Variants in MCPH1 observed in about 807,000 individuals in gnomAD.
MCPH1 encodes microcephalin 1.
Under a neutral mutation model 84.5 loss-of-function variants are expected in MCPH1, and 104 were observed. That is an observed-to-expected ratio of 1.23 (90% confidence interval 1.05 to 1.45). The LOEUF is 1.45. Ranked by LOEUF, MCPH1 falls within the 40% of genes most tolerant of loss-of-function variation. The pLI is 0.00. For synonymous variants in MCPH1, 514 were observed against 366.8 expected (o/e 1.40, Z -4.58); for missense variants, 1,498 against 1,005.7 (o/e 1.49, Z -6.62).
intron 5 of MCPH1, among the ~76,000 whole-genome samples, 185 bp downstream of exon 5, chr8:6,436,347 C>G (rs907180031): frequency 2.6e-5 from 4 of 152,212 alleles, no homozygotes; most frequent in Admixed American, 2.6e-4. Context: ...AATAGAGCCA[C>G]GCAGCTTGAG....
chr8:6,430,386 G>A (rs1801663935), intron 3 of MCPH1, among the ~76,000 whole-genome samples: 1 of 152,160 alleles, frequency 6.6e-6, no homozygotes, highest in Non-Finnish European at 1.5e-5. Context: ...GATAATGCGA[G>A]ATGAGAAAGG....
intron 3 of MCPH1, among the ~76,000 whole-genome samples, chr8:6,419,057 T>C (rs1799743776): frequency 6.6e-6 from 1 of 152,118 alleles, no homozygotes; most frequent in African/African-American, 2.4e-5. Context: ...CAATTATGTT[T>C]ACGTTGGGCC....
intron 12 of MCPH1, among the ~76,000 whole-genome samples, chr8:6,596,361 C>A (rs149258304): frequency 6.6e-6 from 1 of 152,152 alleles, no homozygotes; most frequent in African/African-American, 2.4e-5. Context: ...GGCACAGCCC[C>A]CTGCCTGCAT....
At chr8:6,582,019 G>C (rs1359835122) in intron 12 of MCPH1, among the ~76,000 whole-genome samples, 1 of 152,156 alleles carries the variant, frequency 6.6e-6, no homozygotes, top group Non-Finnish European at 1.5e-5. Flanking sequence ...TGGGGATTAG[G>C]CTTCAACATG....
At chr8:6,560,990 C>G (rs141092652) in intron 12 of MCPH1, among the ~76,000 whole-genome samples, 1 of 152,174 alleles carries the variant, frequency 6.6e-6, no homozygotes, top group Non-Finnish European at 1.5e-5. Context: ...TTTCATGCCT[C>G]GCTGTGACTC....
At chr8:6,416,246 ACTT>A (rs1799274367) in intron 3 of MCPH1, among the ~76,000 whole-genome samples, 1 of 152,120 alleles carries the variant, frequency 6.6e-6, no homozygotes, top group African/African-American at 2.4e-5. Flanking sequence ...AGATAGATTT[ACTT>A]CTTCATTTCT....
chr8:6,627,233 T>C, intron 13 of MCPH1: 1 of 985,444 alleles, frequency 1.0e-6, no homozygotes, highest in Non-Finnish European at 1.2e-6. Flanking sequence ...TATGTGAGGC[T>C]TGATCAGTCA....
intron 12 of MCPH1, among the ~76,000 whole-genome samples, chr8:6,539,732 G>T (rs527877513): frequency 6.6e-6 from 1 of 152,076 alleles, no homozygotes; most frequent in Non-Finnish European, 1.5e-5. Context: ...GGTTACAGGC[G>T]CACACCACCA....
chr8:6,411,918 G>C (rs1336815325), intron 2 of MCPH1, among the ~76,000 whole-genome samples: 1 of 152,120 alleles, frequency 6.6e-6, no homozygotes, highest in Non-Finnish European at 1.5e-5. Flanking sequence ...AACAAATCCT[G>C]TTTATGTCCT....
At position 6,638,569 on chromosome 8, in the gene MCPH1, G is replaced by A. The variant is rs1797717545; in HGVS notation, c.2453-4425G>A. On this transcript the variant is annotated intron_variant, in intron 13 of 13. Transcript: ENST00000344683. ...CTGCCAAGACCTGCTAAATACTGTT[G>A]CTTACATTTAAAAAAAAAAAAAAAA... Among the ~76,000 whole-genome samples the A allele has an allele frequency of 2.1e-5, 3 of 145,796 alleles. No homozygotes were observed. In the South Asian group the frequency reaches 6.6e-4, roughly 32 times the overall value.
chr8:6,445,197 G>T lies in MCPH1; in HGVS notation c.1475G>T (p.Gly492Val). 1 of 1,614,240 alleles carries T rather than the reference G, an allele frequency of 6.2e-7. No homozygotes were observed. Among genetic ancestry groups the T allele is most frequent in the Admixed American group, 1.7e-5 (1 of 60,030 alleles). The change falls in exon 8 of 14, where the codon GGC (glycine) becomes GTC (valine). Residue 492 changes from glycine to valine, a missense_variant. By Grantham distance (109) the Gly-to-Val change is moderately radical (BLOSUM62 -3). Coordinates refer to ENST00000344683, the MANE Select transcript of MCPH1 (RefSeq NM_024596.5). Reference protein sequence around the residue: ...SSPRKTGNGEGRATSSCVTSA... With the variant: ...SSPRKTGNGEVRATSSCVTSA... ...CCTCGGAAAACTGGAAATGGTGAAG[G>T]CCGTGCAACTTCGAGTTGCGTGACT...
At chr8:6,460,455 A>G (rs887103382) in intron 9 of MCPH1, among the ~76,000 whole-genome samples, 1 of 151,942 alleles carries the variant, frequency 6.6e-6, no homozygotes, top group African/African-American at 2.4e-5. Context: ...GTCTCAAACA[A>G]TCCTCCTACC....
intron 1 of MCPH1, chr8:6,407,096 G>T: frequency 3.2e-6 from 1 of 310,298 alleles, no homozygotes; most frequent in Middle Eastern, 1.2e-3. Flanking sequence ...TTTCACCCCT[G>T]CTGCCTTAGT....
At chr8:6,598,353 A>G (rs183500655) in intron 12 of MCPH1, among the ~76,000 whole-genome samples, 2 of 152,100 alleles carry the variant, frequency 1.3e-5, no homozygotes, top group Non-Finnish European at 2.9e-5. Flanking sequence ...GAGGGATTGG[A>G]AAGTAGGAGG....
At chr8:6,538,606 C>G (rs567455934) in intron 12 of MCPH1, among the ~76,000 whole-genome samples, 1 of 152,328 alleles carries the variant, frequency 6.6e-6, no homozygotes, top group East Asian at 1.9e-4. Context: ...CTTTGTATCT[C>G]CTCCTTGAGT....
In MCPH1 at chr8:6,438,658, T is replaced by A. The variant is rs142520018; in HGVS notation, c.437-295T>A. Reference sequence around the variant, plus strand: ...TAACTTCTGTGTCTCAGTCTTTGTCTTCAAGTGGGGATACTGATTTGGGTT... The same window carrying A: ...TAACTTCTGTGTCTCAGTCTTTGTCATCAAGTGGGGATACTGATTTGGGTT... On this transcript the variant is annotated intron_variant, in intron 5 of 13. Transcript: ENST00000344683. 4.1e-4 allele frequency among the ~76,000 whole-genome samples: 63 copies of A among 152,344 alleles called. No individual in the cohort carries two copies. In the East Asian group the frequency reaches 0.012, roughly 29 times the overall value.
Position 6,594,592 on chromosome 8 carries a change from A to T in MCPH1, c.2215-26862A>T, listed in dbSNP as rs112872280. On this transcript the variant is annotated intron_variant, in intron 12 of 13. Transcript: ENST00000344683. ...CGTCCTGGGCACAGAGCCTGCTCGC[A>T]TCAGGCCAGATTGTTTGGAGTATTG... Among the ~76,000 whole-genome samples, 921 of 152,356 alleles carry T rather than the reference A, an allele frequency of 6.0e-3. 12 individuals are homozygous for T. The highest frequency in any genetic ancestry group is 0.021 in the African/African-American group (880 of 41,580).
At chr8:6,544,439 C>T (rs944197473) in intron 12 of MCPH1, among the ~76,000 whole-genome samples, 2 of 152,090 alleles carry the variant, frequency 1.3e-5, no homozygotes, top group East Asian at 3.8e-4. Flanking sequence ...CTTCCAAGAC[C>T]TCCTAACCCA....
intron 12 of MCPH1, among the ~76,000 whole-genome samples, chr8:6,537,264 G>T (rs1423402961): frequency 1.3e-5 from 2 of 152,070 alleles, no homozygotes; most frequent in Non-Finnish European, 2.9e-5. Flanking sequence ...GTCTGAATAG[G>T]TCCTGCTGTA....
Sources: gnomAD v4.1 joint callset for allele counts (sites outside exome capture counted in the v4.1 genomes callset) on GRCh38, gnomAD v4.1.1 for gene constraint, MANE v1.5 for transcripts, NCBI Gene and HGNC (gene_info 2026-07-23, HGNC 2026-07-21) for gene names.